Variants in HHAT observed in about 807,000 individuals in gnomAD.
The protein encoded by HHAT is protein-cysteine N-palmitoyltransferase HHAT.
A neutral mutation model predicts 70.8 loss-of-function variants in HHAT; 47 were observed. That is an observed-to-expected ratio of 0.66 (90% CI 0.53 to 0.85). HHAT has a LOEUF of 0.85. Among genes scored for constraint, HHAT ranks in the 40% least tolerant of loss-of-function variants. The pLI is 0.00. For missense variants in HHAT, 609 were observed against 604.8 expected (o/e 1.01, Z -0.07); for synonymous variants, 228 against 247.6 (o/e 0.92, Z 0.74).
intron 7 of HHAT, chr1:210,463,062 G>A (rs1301790264): frequency 6.6e-6 from 1 of 152,020 alleles, no homozygotes; most frequent in East Asian, 1.9e-4. Context: ...TTGGCCTGTG[G>A]CCTTCTTGTG....
Position 210,407,639 on chromosome 1 carries a change from C to T in HHAT, c.684+2960C>T, listed in dbSNP as rs542883810. On this transcript the variant is annotated intron_variant, in intron 6 of 11. Coordinates refer to ENST00000261458, the MANE Select transcript of HHAT (RefSeq NM_018194.6). ...AACAGGTAAAAATTTGCCTCTGTGC[C>T]TTAACTTGAAGGCTATTTCTGGTGG... is the stretch of plus-strand genomic sequence containing the variant. Among the ~76,000 whole-genome samples the T allele has an allele frequency of 3.3e-5, 5 of 152,278 alleles. No homozygotes were observed. In the Middle Eastern group the frequency reaches 0.017, roughly 518 times the overall value.
At chr1:210,571,552 G>C (rs1441320950) in intron 9 of HHAT, among the ~76,000 whole-genome samples, 2 of 152,188 alleles carry the variant, frequency 1.3e-5, no homozygotes, top group African/African-American at 4.8e-5. Context: ...CTATACTGGA[G>C]AGTGACTAAT....
chr1:210,566,478 A>ACCATCGCAC (rs1258910316), intron 9 of HHAT, among the ~76,000 whole-genome samples: 3 of 152,068 alleles, frequency 2.0e-5, no homozygotes, highest in Admixed American at 2.0e-4. Flanking sequence ...TGCCTTCGCA[A>ACCATCGCAC]CCATCGCACC....
chr1:210,494,169 T>C (rs2094594870), intron 8 of HHAT, among the ~76,000 whole-genome samples: 1 of 152,212 alleles, frequency 6.6e-6, no homozygotes, highest in African/African-American at 2.4e-5. Flanking sequence ...TTGTAGTCCA[T>C]AGTAAAGACT....
chr1:210,653,676 T>A (rs1328408869), intron 11 of HHAT, among the ~76,000 whole-genome samples: 2 of 151,652 alleles, frequency 1.3e-5, no homozygotes, highest in Non-Finnish European at 2.9e-5. Context: ...TGAGGGGAGA[T>A]TTCCTTTTCC....
rs149362149 is a variant in HHAT at position 210,329,551 on chromosome 1, C to A, written c.-44+447C>A. On this transcript the variant is annotated intron_variant, in intron 1 of 11. Transcript: ENST00000261458. ...CTTCCTCTGTTCTGAGTCTAACCTT[C>A]AGGTGGCAGGTCTTTATGCGGAAAA... The A allele has an allele frequency of 1.7e-4, 156 of 922,452 alleles. No homozygotes were observed. The African/African-American group carries it at 2.7e-3, about 16-fold the overall frequency. 57.1% of individuals were successfully genotyped at this position (922,452 alleles called of 1,614,324 possible).
At chr1:210,491,191 C>A (rs919423822) in intron 8 of HHAT, among the ~76,000 whole-genome samples, 5 of 152,078 alleles carry the variant, frequency 3.3e-5, no homozygotes, top group African/African-American at 1.2e-4. Context: ...AAGCCTGATT[C>A]AAGCCTCTCA....
At chr1:210,575,139 A>C (rs921474354) in intron 9 of HHAT, among the ~76,000 whole-genome samples, 3 of 151,916 alleles carry the variant, frequency 2.0e-5, no homozygotes, top group African/African-American at 4.8e-5. Flanking sequence ...TCTTTCCCCT[A>C]CCTCTTCTCC....
chr1:210,328,702 G>C (rs72743499), upstream of HHAT, among the ~76,000 whole-genome samples: 17 of 152,370 alleles, frequency 1.1e-4, no homozygotes, highest in East Asian at 5.8e-4. Flanking sequence ...ACACACGGGT[G>C]GGGGAGAGAT....
intron 11 of HHAT, among the ~76,000 whole-genome samples, chr1:210,653,290 C>T (rs1448310251): frequency 6.6e-6 from 1 of 152,112 alleles, no homozygotes; most frequent in Non-Finnish European, 1.5e-5. Flanking sequence ...CACCTGTAAT[C>T]CCAGCACTTT....
At chr1:210,365,933 A>T (rs1019110992) in intron 3 of HHAT, among the ~76,000 whole-genome samples, 68 of 150,104 alleles carry the variant, frequency 4.5e-4, no homozygotes, top group East Asian at 2.0e-3. Flanking sequence ...ATTAAAAAAA[A>T]TTTTTTTTTT....
intron 3 of HHAT, chr1:210,374,274 A>C (rs761625623): frequency 6.6e-6 from 1 of 151,844 alleles, no homozygotes; most frequent in African/African-American, 2.4e-5. Context: ...GTGTAATGCT[A>C]CAAATTAGTT....
intron 3 of HHAT, chr1:210,374,402 G>A (rs2090005507): frequency 6.6e-6 from 1 of 152,218 alleles, no homozygotes; most frequent in African/African-American, 2.4e-5. Flanking sequence ...CCCATAGTTA[G>A]AAATGTTGAG....
intron 6 of HHAT, among the ~76,000 whole-genome samples, chr1:210,415,037 A>G (rs1357035264): frequency 6.6e-6 from 1 of 152,092 alleles, no homozygotes; most frequent in African/African-American, 2.4e-5. Flanking sequence ...AATCTTTTTA[A>G]TTGTCAAAAA....
At chr1:210,602,796 C>A (rs769636309) in intron 10 of HHAT, among the ~76,000 whole-genome samples, 1 of 152,116 alleles carries the variant, frequency 6.6e-6, no homozygotes, top group African/African-American at 2.4e-5. Flanking sequence ...GGCACCCCCA[C>A]AGCATTGTCT....
intron 9 of HHAT, among the ~76,000 whole-genome samples, chr1:210,555,626 C>T (rs140353043): frequency 2.6e-5 from 4 of 152,212 alleles, no homozygotes; most frequent in Non-Finnish European, 5.9e-5. Context: ...AAGCAGCCAG[C>T]CTTTGACACA....
chr1:210,674,543 C>A lies in HHAT; in HGVS notation c.*164C>A. The stretch of plus-strand genomic sequence containing the variant: ...GCTGGATCTCATAGAAAATTCACAG[C>A]CAGACAATCTTCTAATCTGGAGTCT... On this transcript the variant is annotated 3_prime_UTR_variant, in exon 12 of 12. Coordinates refer to ENST00000261458, the MANE Select transcript of HHAT (RefSeq NM_018194.6). The A allele has an allele frequency of 3.4e-6, 2 of 589,478 alleles. No individual in the cohort carries two copies. Among genetic ancestry groups the A allele is most frequent in the Middle Eastern group, 2.6e-4 (1 of 3,810 alleles). The allele number at this position is 589,478 out of a possible 1,614,324, so 36.5% of individuals were successfully genotyped here.
rs571925791 is a variant in HHAT, at chr1:210,535,154, G to C, written c.1043+21966G>C. On this transcript the variant is annotated intron_variant, in intron 9 of 11. Coordinates refer to ENST00000261458, the MANE Select transcript of HHAT (RefSeq NM_018194.6). ...GACAATGAATCCCAGCCCTGAGGAA[G>C]GCCACTGTTATGCATGGAGCTCTGG... is the stretch of plus-strand genomic sequence containing the variant. Among the ~76,000 whole-genome samples, 29 of 152,308 alleles carry C rather than the reference G, an allele frequency of 1.9e-4. No homozygotes were observed. In the East Asian group the frequency reaches 4.6e-3, roughly 24 times the overall value.
intron 9 of HHAT, among the ~76,000 whole-genome samples, chr1:210,583,677 C>T (rs888871146): frequency 1.3e-5 from 2 of 152,160 alleles, no homozygotes; most frequent in African/African-American, 4.8e-5. Context: ...GACAAACAGC[C>T]TCATGTCCTT....
Sources: allele counts gnomAD v4.1 joint callset (sites outside exome capture counted in the v4.1 genomes callset), GRCh38; gene constraint gnomAD v4.1.1; transcripts MANE v1.5; gene names NCBI Gene and HGNC (gene_info 2026-07-23, HGNC 2026-07-21).